MAPKAPK2: variants seen among roughly 807,000 people sequenced by gnomAD.
The protein encoded by MAPKAPK2 is MAP kinase-activated protein kinase 2.
MAPKAPK2 carries 9 observed loss-of-function variants against 48.8 expected under a neutral mutation model. That is an observed-to-expected ratio of 0.18 (90% confidence interval 0.11 to 0.32). The LOEUF (loss-of-function observed/expected upper bound fraction) is 0.32. Ranked by LOEUF, MAPKAPK2 falls within the 10% of genes least tolerant of loss-of-function variation. MAPKAPK2 has a pLI of 1.00. For synonymous variants in MAPKAPK2, 202 were observed against 190.6 expected (o/e 1.06, Z -0.49); for missense variants, 331 against 498.3 (o/e 0.66, Z 3.20).
At position 206,725,078 on chromosome 1, in the gene MAPKAPK2, T is replaced by A. The variant is rs1288273338; in HGVS notation, c.280-3632T>A. ...TCAAAATGCATGCGATTGCAAAGCCTAGGTTCACTGTGCTACATCCGTCTC... is the reference window on the plus strand; with the variant it reads ...TCAAAATGCATGCGATTGCAAAGCCAAGGTTCACTGTGCTACATCCGTCTC... On this transcript the variant is annotated intron_variant, in intron 1 of 9. Transcript: ENST00000367103. Among the ~76,000 whole-genome samples the A allele has an allele frequency of 5.3e-5, 8 of 152,372 alleles. No individual in the cohort carries two copies. In the East Asian group the frequency reaches 1.3e-3, roughly 26 times the overall value.
intron 1 of MAPKAPK2, among the ~76,000 whole-genome samples, chr1:206,700,447 C>G (rs1672764168): frequency 6.6e-6 from 1 of 152,168 alleles, no homozygotes; most frequent in Non-Finnish European, 1.5e-5. Context: ...TGAGGGAATA[C>G]TTACTTCTCA....
At chr1:206,713,700 T>G (rs570735297) in intron 1 of MAPKAPK2, among the ~76,000 whole-genome samples, 3 of 152,236 alleles carry the variant, frequency 2.0e-5, no homozygotes, top group Non-Finnish European at 4.4e-5. Context: ...ACCCCGTTTC[T>G]ACCAAAAAAT....
Position 206,722,371 on chromosome 1 carries a change from C to G in MAPKAPK2, c.280-6339C>G, listed in dbSNP as rs570929123. ...CGAGACTCTGTCTCAAAAACAAAAA[C>G]AAAAACAAAAAAAAACAAAGAAACA... On this transcript the variant is annotated intron_variant, in intron 1 of 9. Coordinates refer to ENST00000367103, the MANE Select transcript of MAPKAPK2 (RefSeq NM_032960.4). Among the ~76,000 whole-genome samples, 4 of 151,590 alleles carry G rather than the reference C, an allele frequency of 2.6e-5. No individual in the cohort carries two copies. The South Asian group carries it at 8.4e-4, about 32-fold the overall frequency.
At chr1:206,703,074 T>C (rs1672850812) in intron 1 of MAPKAPK2, among the ~76,000 whole-genome samples, 2 of 152,150 alleles carry the variant, frequency 1.3e-5, no homozygotes, top group Non-Finnish European at 2.9e-5. Context: ...TGGCTTGATA[T>C]CCCCAAGTGC....
chr1:206,719,377 G>A (rs1204984539), intron 1 of MAPKAPK2, among the ~76,000 whole-genome samples: 1 of 152,138 alleles, frequency 6.6e-6, no homozygotes, highest in Admixed American at 6.5e-5. Flanking sequence ...TTTGGTACTG[G>A]GATTCCCCGT....
chr1:206,708,987 C>T (rs551600370), intron 1 of MAPKAPK2, among the ~76,000 whole-genome samples: 26 of 152,288 alleles, frequency 1.7e-4, no homozygotes, highest in East Asian at 7.7e-4. Flanking sequence ...TCTCCATTCC[C>T]CTGTTGATGG....
chr1:206,714,913 C>T (rs1296526826), intron 1 of MAPKAPK2, among the ~76,000 whole-genome samples: 1 of 152,116 alleles, frequency 6.6e-6, no homozygotes, highest in Non-Finnish European at 1.5e-5. Context: ...TGGTCTAGTG[C>T]CTGGAGCATT....
At chr1:206,690,097 G>A (rs1553426089) in intron 1 of MAPKAPK2, among the ~76,000 whole-genome samples, 1 of 152,194 alleles carries the variant, frequency 6.6e-6, no homozygotes, top group African/African-American at 2.4e-5. Context: ...TCAGGGGTTG[G>A]TGGCTCCAAA....
At chr1:206,694,936 C>A (rs544622713) in intron 1 of MAPKAPK2, among the ~76,000 whole-genome samples, 1 of 152,342 alleles carries the variant, frequency 6.6e-6, no homozygotes, top group East Asian at 1.9e-4. Flanking sequence ...CGCTTGCAGA[C>A]ACGCCAAGTG....
At chr1:206,690,013 G>T (rs1408994203) in intron 1 of MAPKAPK2, among the ~76,000 whole-genome samples, 1 of 152,200 alleles carries the variant, frequency 6.6e-6, no homozygotes, top group Non-Finnish European at 1.5e-5. Flanking sequence ...CCTCTGAGGA[G>T]TGAGCAAGTC....
intron 1 of MAPKAPK2, among the ~76,000 whole-genome samples, chr1:206,714,250 T>C (rs1673248344): frequency 6.6e-6 from 1 of 152,180 alleles, no homozygotes; most frequent in South Asian, 2.1e-4. Context: ...GGCAGGAGAC[T>C]GTGTTCATAT....
chr1:206,729,149 G>T (rs1048210672), intron 3 of MAPKAPK2, 50 bp downstream of exon 3: 5 of 1,575,630 alleles, frequency 3.2e-6, no homozygotes, highest in African/African-American at 2.7e-5. Context: ...GGGCAGTGGG[G>T]GTCTGAAGGG....
intron 1 of MAPKAPK2, among the ~76,000 whole-genome samples, chr1:206,695,073 C>G (rs1286965729): frequency 1.3e-5 from 2 of 152,192 alleles, no homozygotes; most frequent in Non-Finnish European, 2.9e-5. Flanking sequence ...GACCTGTGCT[C>G]ACAGAGAGGA....
chr1:206,729,264 G>A (rs1673817410), intron 3 of MAPKAPK2, 132 bp from the exon 4 acceptor site: 1 of 1,094,702 alleles, frequency 9.1e-7, no homozygotes, highest in Non-Finnish European at 1.4e-6. Context: ...TGGTGGCTTT[G>A]TTTCTGGGGT....
intron 1 of MAPKAPK2, among the ~76,000 whole-genome samples, chr1:206,712,443 A>G (rs1461119172): frequency 6.6e-6 from 1 of 152,180 alleles, no homozygotes; most frequent in African/African-American, 2.4e-5. Context: ...TGTTATAAAG[A>G]TGTGACTAGA....
rs543148690 is a variant in MAPKAPK2 at position 206,696,272 on chromosome 1, C to T, written c.279+10764C>T. 7 of 1,228,666 alleles carry T rather than the reference C, an allele frequency of 5.7e-6. No individual in the cohort carries two copies. In the African/African-American group the frequency reaches 1.0e-4, roughly 18 times the overall value. The allele number at this position is 1,228,666 out of a possible 1,614,324, so 76.1% of individuals were successfully genotyped here. A position where few individuals can be genotyped will look rare whatever the true frequency, so the allele number is the denominator to read the frequency against. The stretch of plus-strand genomic sequence containing the variant: ...TCCTTCCCCTTTCAAGGTGCCATTT[C>T]TGCATGTTGTTTCCAGACTCCGCAC... On this transcript the variant is annotated intron_variant, in intron 1 of 9. Transcript: ENST00000367103.
intron 1 of MAPKAPK2, among the ~76,000 whole-genome samples, chr1:206,707,189 C>G (rs1266876583): frequency 2.6e-5 from 4 of 152,092 alleles, no homozygotes; most frequent in African/African-American, 4.8e-5. Context: ...CAGATTTCCC[C>G]TAGGTGATGA....
chr1:206,690,999 A>C (rs1431729227), intron 1 of MAPKAPK2, among the ~76,000 whole-genome samples: 3 of 152,196 alleles, frequency 2.0e-5, no homozygotes, highest in African/African-American at 7.2e-5. Context: ...TGGGCAGAGA[A>C]GAGTTGTTCT....
rs116681221 is a variant in MAPKAPK2 at position 206,700,532 on chromosome 1, A to G, written c.279+15024A>G. On this transcript the variant is annotated intron_variant, in intron 1 of 9. Coordinates refer to ENST00000367103, the MANE Select transcript of MAPKAPK2 (RefSeq NM_032960.4). ...CAGATGCTGGGAAAAAAGGGCCCAG[A>G]ATGTGAGTGGGAGGTAGAAATCAAG... Among the ~76,000 whole-genome samples, 1,089 of 152,254 alleles carry G rather than the reference A, an allele frequency of 7.2e-3. 18 individuals carry two copies. Among genetic ancestry groups the G allele is most frequent in the African/African-American group, 0.025 (1,033 of 41,534 alleles).
Sources: gnomAD v4.1 joint callset for allele counts (sites outside exome capture counted in the v4.1 genomes callset) on GRCh38, gnomAD v4.1.1 for gene constraint, MANE v1.5 for transcripts, NCBI Gene and HGNC (gene_info 2026-07-23, HGNC 2026-07-21) for gene names.